The following GRIK4 variants were observed in gnomAD, a reference collection of about 807,000 sequenced individuals.
GRIK4 encodes the protein glutamate receptor ionotropic, kainate 4.
In GRIK4, 40 loss-of-function variants were observed where a neutral mutation model predicts 104.9. The ratio of observed to expected loss-of-function variants is 0.38; its 90% CI spans 0.30 to 0.50. GRIK4 has a LOEUF of 0.50. Among genes scored for constraint, GRIK4 ranks in the 20% least tolerant of loss-of-function variants. The pLI, the probability that GRIK4 is intolerant of heterozygous loss-of-function variation, is 0.93. For missense variants in GRIK4, 1,047 were observed against 1,308.1 expected, an observed-to-expected ratio of 0.80 and a Z score of 3.08; for synonymous variants, 485 against 524.9, an observed-to-expected ratio of 0.92 and a Z score of 1.04.
chr11:120,539,664 T>G (rs1948012530), intron 1 of GRIK4, among the ~76,000 whole-genome samples: 1 of 152,204 alleles, frequency 6.6e-6, no homozygotes, highest in African/African-American at 2.4e-5. Flanking sequence ...CCAATATGTC[T>G]TTAAACTGGT....
intron 1 of GRIK4, among the ~76,000 whole-genome samples, chr11:120,644,596 T>C (rs1949517537): frequency 6.6e-6 from 1 of 152,184 alleles, no homozygotes; most frequent in Non-Finnish European, 1.5e-5. Context: ...GCTGCCTCTT[T>C]CCGTGGCCTG....
At chr11:120,680,134 G>A (rs1950165435) in intron 3 of GRIK4, among the ~76,000 whole-genome samples, 1 of 152,178 alleles carries the variant, frequency 6.6e-6, no homozygotes, top group Admixed American at 6.5e-5. Flanking sequence ...CTGGAGTGCA[G>A]TGGCGTGATC....
At chr11:120,871,118 A>G (rs1434110703) in intron 9 of GRIK4, 1 of 156,742 alleles carries the variant, frequency 6.4e-6, no homozygotes, top group African/African-American at 2.4e-5. Flanking sequence ...GAATGGTGAG[A>G]TTAACTGGGA....
intron 4 of GRIK4, among the ~76,000 whole-genome samples, chr11:120,805,341 G>A (rs1020328703): frequency 2.6e-5 from 4 of 152,106 alleles, no homozygotes; most frequent in Admixed American, 6.5e-5. Flanking sequence ...CAGAAATGAG[G>A]GAGCCAAGAT....
chr11:120,832,006 C>T lies in GRIK4; in HGVS notation c.666C>T (p.Ser222=), dbSNP rs1301972747. 1.9e-6 allele frequency: 3 copies of T among 1,613,336 alleles called. No homozygotes were observed. The South Asian group carries it at 3.3e-5, about 18-fold the overall frequency. The stretch of plus-strand genomic sequence containing the variant: ...CCATCATCATCCACGCCAACGCCTC[C>T]ATGTCCCACACCATCCTCCTGAAGG... ...TATIIIHANA[S]MSHTILLKAA... Residue 222 remains serine, a synonymous_variant, in exon 7 of 21, where the codon TCC becomes TCT. Transcript: ENST00000527524.
chr11:120,717,602 G>C (rs1425128241), intron 3 of GRIK4, among the ~76,000 whole-genome samples: 1 of 152,108 alleles, frequency 6.6e-6, no homozygotes, highest in Non-Finnish European at 1.5e-5. Context: ...GATGTTGGCT[G>C]TATCAGTTGA....
In GRIK4 at chr11:120,934,358, G is replaced by C. The variant is rs529410159; in HGVS notation, c.1477-5989G>C. On this transcript the variant is annotated intron_variant, in intron 13 of 20. Transcript: ENST00000527524. The stretch of plus-strand genomic sequence containing the variant: ...GCTTTGCTGTCTTCGGATGCTCCCA[G>C]ATCTGGTATTGCCGTTAGACCACTC... 3.3e-5 allele frequency among the ~76,000 whole-genome samples: 5 copies of C among 152,244 alleles called. No individual in the cohort carries two copies. In the East Asian group the frequency reaches 9.7e-4, roughly 29 times the overall value.
intron 3 of GRIK4, among the ~76,000 whole-genome samples, chr11:120,668,294 AG>A (rs937825348): frequency 4.0e-4 from 61 of 152,016 alleles, no homozygotes; most frequent in African/African-American, 1.4e-3. Flanking sequence ...AAAGAGAGAA[AG>A]AAAAAAGAAA....
At chr11:120,745,714 A>G (rs766262267) in intron 3 of GRIK4, among the ~76,000 whole-genome samples, 1 of 152,210 alleles carries the variant, frequency 6.6e-6, no homozygotes, top group Non-Finnish European at 1.5e-5. Context: ...ATGTCAGACT[A>G]CTGCACAAAA....
chr11:120,743,730 A>G (rs1951381511), intron 3 of GRIK4, among the ~76,000 whole-genome samples: 1 of 152,262 alleles, frequency 6.6e-6, no homozygotes, highest in African/African-American at 2.4e-5. Flanking sequence ...AGTTCAGCAC[A>G]TACAAAGTCT....
intron 3 of GRIK4, among the ~76,000 whole-genome samples, chr11:120,682,360 C>T (rs546114151): frequency 2.0e-5 from 3 of 152,314 alleles, no homozygotes; most frequent in Middle Eastern, 3.4e-3. Flanking sequence ...GGGAGTGGGT[C>T]TGGGTCCCCA....
At chr11:120,748,385 C>T (rs984498507) in intron 3 of GRIK4, among the ~76,000 whole-genome samples, 2 of 152,090 alleles carry the variant, frequency 1.3e-5, no homozygotes, top group African/African-American at 4.8e-5. Context: ...GAAACCTCTC[C>T]TTGATGTACG....
intron 3 of GRIK4, among the ~76,000 whole-genome samples, chr11:120,761,845 A>T (rs1029925337): frequency 1.9e-4 from 29 of 152,188 alleles, no homozygotes; most frequent in African/African-American, 6.8e-4. Flanking sequence ...TATTTTGGTT[A>T]CTTTAGCCTT....
At chr11:120,936,064 T>TTCC (rs35260812) in intron 13 of GRIK4, 174,771 of 184,758 alleles carry the variant, frequency 0.95, 82,795 homozygotes, top group East Asian at 0.98. Context: ...CTTCTTCATC[T>TTCC]TCCTCCTCCT....
intron 15 of GRIK4, among the ~76,000 whole-genome samples, chr11:120,955,526 C>T (rs890144343): frequency 2.0e-5 from 3 of 152,152 alleles, no homozygotes; most frequent in African/African-American, 4.8e-5. Context: ...GAAGGCTTTG[C>T]GTACAAGATG....
intron 1 of GRIK4, among the ~76,000 whole-genome samples, chr11:120,590,794 G>A (rs1948723824): frequency 3.3e-5 from 5 of 152,120 alleles, no homozygotes; most frequent in Admixed American, 3.3e-4. Flanking sequence ...TATATGCCAG[G>A]CACCTTGCTA....
Position 120,815,638 on chromosome 11 carries a change from G to A in GRIK4, c.345+163G>A, listed in dbSNP as rs1952936913. 2.6e-5 allele frequency among the ~76,000 whole-genome samples: 4 copies of A among 152,148 alleles called. No individual in the cohort carries two copies. In the South Asian group the frequency reaches 8.3e-4, roughly 31 times the overall value. On this transcript the variant is annotated intron_variant, in intron 5 of 20. Transcript: ENST00000527524. ...AATACAGAAGCAGTGGGCTTGCCCTGCTCCAGGATGTTTGCATGGAGGGGT... is the reference window on the plus strand; with the variant it reads ...AATACAGAAGCAGTGGGCTTGCCCTACTCCAGGATGTTTGCATGGAGGGGT...
At chr11:120,854,264 G>A (rs1954048240) in intron 8 of GRIK4, among the ~76,000 whole-genome samples, 1 of 152,236 alleles carries the variant, frequency 6.6e-6, no homozygotes, top group South Asian at 2.1e-4. Flanking sequence ...CAGAGGCTGA[G>A]GCTTGGGTGA....
chr11:120,943,124 A>ACG (rs1943765219), intron 14 of GRIK4, among the ~76,000 whole-genome samples: 1 of 118,824 alleles, frequency 8.4e-6, no homozygotes, highest in Non-Finnish European at 1.6e-5. Flanking sequence ...ACACACACAC[A>ACG]CACACACACA....
Sources: allele counts gnomAD v4.1 joint callset (sites outside exome capture counted in the v4.1 genomes callset), GRCh38; gene constraint gnomAD v4.1.1; transcripts MANE v1.5; gene names NCBI Gene and HGNC (gene_info 2026-07-23, HGNC 2026-07-21).